Variants in SGCZ observed in about 807,000 individuals in gnomAD.
SGCZ encodes zeta-sarcoglycan.
In SGCZ, 40 loss-of-function variants were observed where a neutral mutation model predicts 41.3. The observed-to-expected ratio is 0.97, with a 90% CI of 0.75 to 1.26. The LOEUF is 1.26. SGCZ is among the 50% of genes most tolerant of loss of function. SGCZ has a pLI of 0.00. For synonymous variants in SGCZ, 206 were observed against 137.5 expected (o/e 1.50, Z -3.49); for missense variants, 552 against 369.8 (o/e 1.49, Z -4.04).
Position 15,041,875 on chromosome 8 carries a change from T to C in SGCZ, c.39+195710A>G, listed in dbSNP as rs1225912068. On this transcript the variant is annotated intron_variant, in intron 1 of 7. Transcript: ENST00000382080. ...GACAAAAGCATTAGTCAATCTATTA[T>C]ATATTCTGTTGATTTTTAGGTCTGG... Among the ~76,000 whole-genome samples the C allele has an allele frequency of 3.9e-5, 6 of 152,164 alleles. No individual in the cohort carries two copies. The East Asian group carries it at 1.2e-3, about 29-fold the overall frequency.
intron 1 of SGCZ, among the ~76,000 whole-genome samples, chr8:14,566,985 C>T (rs1585086070): frequency 6.6e-6 from 1 of 152,204 alleles, no homozygotes; most frequent in South Asian, 2.1e-4. Context: ...AGCACCCGGG[C>T]CAGCAGCTGC....
At position 14,789,220 on chromosome 8, in the gene SGCZ, C is replaced by CA. The variant is rs532051832; in HGVS notation, c.40-234295dup. ...AGTCATCCACCAGGAGCACAAGATGCAAAAAAAGTGTGATACTAAATATAC... is the reference window on the plus strand; with the variant it reads ...AGTCATCCACCAGGAGCACAAGATGCAAAAAAAAGTGTGATACTAAATATAC... On this transcript the variant is annotated intron_variant, in intron 1 of 7. Transcript: ENST00000382080. Among the ~76,000 whole-genome samples, 504 of 151,442 alleles carry CA rather than the reference C, an allele frequency of 3.3e-3. 4 individuals carry two copies. The highest frequency in any genetic ancestry group is 0.012 in the African/African-American group (483 of 41,274).
chr8:14,730,371 C>T (rs758845636), intron 1 of SGCZ, among the ~76,000 whole-genome samples: 3 of 151,934 alleles, frequency 2.0e-5, no homozygotes, highest in Admixed American at 6.6e-5. Flanking sequence ...AGTGAGGAGA[C>T]GGGATATATA....
chr8:14,327,814 C>T (rs1296603766), intron 2 of SGCZ, among the ~76,000 whole-genome samples: 1 of 152,176 alleles, frequency 6.6e-6, no homozygotes, highest in Non-Finnish European at 1.5e-5. Context: ...TGGAGTCTCG[C>T]TCTTTCGCCA....
chr8:14,184,956 G>A (rs1204692845), intron 4 of SGCZ, among the ~76,000 whole-genome samples: 1 of 152,072 alleles, frequency 6.6e-6, no homozygotes, highest in Non-Finnish European at 1.5e-5. Context: ...TTATCATTAT[G>A]TCTCTATCGT....
At chr8:14,840,712 A>G (rs1362206498) in intron 1 of SGCZ, among the ~76,000 whole-genome samples, 2 of 152,066 alleles carry the variant, frequency 1.3e-5, no homozygotes, top group African/African-American at 2.4e-5. Context: ...CAGGAGCTAT[A>G]TTTTATAAGC....
chr8:14,867,967 A>G (rs1803994455), intron 1 of SGCZ, among the ~76,000 whole-genome samples: 1 of 151,696 alleles, frequency 6.6e-6, no homozygotes, highest in Non-Finnish European at 1.5e-5. Flanking sequence ...ATTTTGTGGG[A>G]AAAACATTCT....
chr8:14,444,387 C>G (rs1800367971), intron 2 of SGCZ, among the ~76,000 whole-genome samples: 1 of 151,980 alleles, frequency 6.6e-6, no homozygotes, highest in Non-Finnish European at 1.5e-5. Context: ...GCACTATTCA[C>G]CATAGCAAAG....
At chr8:14,523,707 GT>G (rs959409479) in intron 2 of SGCZ, among the ~76,000 whole-genome samples, 47 of 152,006 alleles carry the variant, frequency 3.1e-4, no homozygotes, top group African/African-American at 1.1e-3. Context: ...GTAAGTATAT[GT>G]TTTTTGTTTG....
At chr8:14,301,377 A>C (rs1801181425) in intron 3 of SGCZ, among the ~76,000 whole-genome samples, 1 of 151,980 alleles carries the variant, frequency 6.6e-6, no homozygotes, top group African/African-American at 2.4e-5. Context: ...AATCACAAAA[A>C]AAAACAAACA....
intron 2 of SGCZ, among the ~76,000 whole-genome samples, chr8:14,472,133 G>A (rs1362602238): frequency 6.6e-6 from 1 of 152,022 alleles, no homozygotes; most frequent in Admixed American, 6.6e-5. Context: ...CTTACTATAT[G>A]AATTTTAAGA....
At chr8:14,711,281 T>C (rs1314325180) in intron 1 of SGCZ, among the ~76,000 whole-genome samples, 2 of 152,048 alleles carry the variant, frequency 1.3e-5, no homozygotes, top group African/African-American at 4.8e-5. Context: ...CACAAACTTT[T>C]ATTCTCATTA....
chr8:14,684,156 T>C (rs1166196746), intron 1 of SGCZ, among the ~76,000 whole-genome samples: 4 of 152,196 alleles, frequency 2.6e-5, no homozygotes, highest in African/African-American at 4.8e-5. Flanking sequence ...AAAATGATTG[T>C]TCATTTCTAA....
chr8:14,839,854 C>T (rs1428913489), intron 1 of SGCZ, among the ~76,000 whole-genome samples: 2 of 151,936 alleles, frequency 1.3e-5, no homozygotes, highest in Non-Finnish European at 1.5e-5. Flanking sequence ...TTTCATTGAC[C>T]CACTTGACAA....
intron 2 of SGCZ, among the ~76,000 whole-genome samples, chr8:14,393,535 G>C (rs921632551): frequency 6.6e-6 from 1 of 152,120 alleles, no homozygotes; most frequent in African/African-American, 2.4e-5. Flanking sequence ...ACCAACCTGT[G>C]AGCCCTATGT....
chr8:14,117,639 G>A (rs1376882253), intron 5 of SGCZ, among the ~76,000 whole-genome samples: 1 of 151,722 alleles, frequency 6.6e-6, no homozygotes, highest in Non-Finnish European at 1.5e-5. Context: ...GAATGTGCAG[G>A]TTTGTTACAT....
chr8:14,430,415 C>T (rs1466127164), intron 2 of SGCZ, among the ~76,000 whole-genome samples: 1 of 152,068 alleles, frequency 6.6e-6, no homozygotes, highest in Non-Finnish European at 1.5e-5. Flanking sequence ...AAATGTAATA[C>T]ACCACATAAA....
Position 14,088,267 on chromosome 8 carries a change from T to G in SGCZ, c.*2176A>C, listed in dbSNP as rs1323375884. Among the ~76,000 whole-genome samples, 1 of 151,830 alleles carries G rather than the reference T, an allele frequency of 6.6e-6. No individual in the cohort carries two copies. Among genetic ancestry groups the G allele is most frequent in the Non-Finnish European group, 1.5e-5 (1 of 67,832 alleles). On this transcript the variant is annotated 3_prime_UTR_variant, in exon 8 of 8. Transcript: ENST00000382080. ...TTGAGTAAACTGAAGCCTGGAGAGA[T>G]TCTCGAACTGCCTAAAACAGCTCAA...
At chr8:14,530,294 C>G (rs1803086633) in intron 2 of SGCZ, among the ~76,000 whole-genome samples, 1 of 151,930 alleles carries the variant, frequency 6.6e-6, no homozygotes, top group Admixed American at 6.6e-5. Context: ...TATAAGTGAT[C>G]TTATATGAAA....
Sources: allele counts gnomAD v4.1 joint callset (sites outside exome capture counted in the v4.1 genomes callset), GRCh38; gene constraint gnomAD v4.1.1; transcripts MANE v1.5; gene names NCBI Gene and HGNC (gene_info 2026-07-23, HGNC 2026-07-21).